Variants in ASAP1 observed in about 807,000 individuals in gnomAD.
The protein encoded by ASAP1 is ArfGAP with SH3 domain, ankyrin repeat and PH domain 1.
ASAP1 carries 43 observed loss-of-function variants against 145.2 expected under a neutral mutation model. The observed-to-expected ratio is 0.30, with a 90% CI of 0.23 to 0.38. The LOEUF (loss-of-function observed/expected upper bound fraction) is 0.38. ASAP1 is among the 10% of genes least tolerant of loss of function. ASAP1 has a pLI of 1.00. For synonymous variants in ASAP1, 546 were observed against 515.5 expected (o/e 1.06, Z -0.80); for missense variants, 1,018 against 1,355.3 (o/e 0.75, Z 3.91).
intron 3 of ASAP1, among the ~76,000 whole-genome samples, chr8:130,349,937 C>T (rs1825904354): frequency 6.6e-6 from 1 of 152,176 alleles, no homozygotes; most frequent in South Asian, 2.1e-4. Context: ...ATGGCCAAGA[C>T]CCAGATCTGG....
chr8:130,340,701 T>C, intron 3 of ASAP1: 1 of 295,528 alleles, frequency 3.4e-6, no homozygotes, highest in South Asian at 3.0e-5. Context: ...ATAACAGTTG[T>C]GCAATTTGGG....
chr8:130,067,258 C>T (rs1028240580), intron 27 of ASAP1, among the ~76,000 whole-genome samples: 2 of 152,130 alleles, frequency 1.3e-5, no homozygotes, highest in African/African-American at 4.8e-5. Flanking sequence ...TTGGGTGACC[C>T]ATACTAGAGT....
At chr8:130,390,951 T>C (rs564638223) in intron 2 of ASAP1, among the ~76,000 whole-genome samples, 2 of 138,640 alleles carry the variant, frequency 1.4e-5, no homozygotes, top group South Asian at 2.2e-4. Context: ...CCCCCCAAAA[T>C]TGAAAGCAGG....
At chr8:130,096,817 T>A (rs1168700161) in intron 24 of ASAP1, among the ~76,000 whole-genome samples, 1 of 152,000 alleles carries the variant, frequency 6.6e-6, no homozygotes, top group Non-Finnish European at 1.5e-5. Flanking sequence ...TATTTTTAAA[T>A]AATCCATGAT....
intron 2 of ASAP1, among the ~76,000 whole-genome samples, chr8:130,374,846 T>C (rs1827406498): frequency 6.6e-6 from 1 of 152,194 alleles, no homozygotes; most frequent in African/African-American, 2.4e-5. Flanking sequence ...TGCAATGATT[T>C]ATCCCTTAAG....
intron 3 of ASAP1, among the ~76,000 whole-genome samples, chr8:130,274,024 T>TC (rs1565159806): frequency 6.6e-6 from 1 of 152,216 alleles, no homozygotes; most frequent in African/African-American, 2.4e-5. Context: ...ACTAACTGGC[T>TC]TTGAGATCTT....
chr8:130,272,399 CTAAAT>C (rs1429980480), intron 3 of ASAP1, among the ~76,000 whole-genome samples: 3 of 152,122 alleles, frequency 2.0e-5, no homozygotes, highest in African/African-American at 7.2e-5. Flanking sequence ...TGGTAGGAAT[CTAAAT>C]TAGTACAGTC....
At chr8:130,239,343 T>C (rs1818392037) in intron 3 of ASAP1, among the ~76,000 whole-genome samples, 1 of 152,170 alleles carries the variant, frequency 6.6e-6, no homozygotes, top group South Asian at 2.1e-4. Flanking sequence ...TTATCTCACT[T>C]AATTCTCACA....
chr8:130,124,003 A>AAAT lies in ASAP1; in HGVS notation c.1607+7_1607+9dup. ...GGTTTAAAAAAGTTCAATATATCAG[A>AAAT]AATACTTACATATCACTTGAAGGGG... On this transcript the variant is annotated intron_variant, in intron 18 of 29. Coordinates refer to ENST00000518721, the MANE Select transcript of ASAP1 (RefSeq NM_018482.4). The AAAT allele has an allele frequency of 6.3e-7, 1 of 1,588,368 alleles. No individual in the cohort carries two copies. The highest frequency in any genetic ancestry group is 8.6e-7 in the Non-Finnish European group (1 of 1,161,696).
rs376970128 is a variant in ASAP1, at chr8:130,236,780, GAA to G, written c.259+140_259+141del. On this transcript the variant is annotated intron_variant, in intron 4 of 29. Coordinates refer to ENST00000518721, the MANE Select transcript of ASAP1 (RefSeq NM_018482.4). ...GTTTGGGCTGACAGTCGAGATAAGAGAAAAAAAGAGAAATTTCTTTTACCTAC... is the reference window on the plus strand; with the variant it reads ...GTTTGGGCTGACAGTCGAGATAAGAGAAAAAGAGAAATTTCTTTTACCTAC... 4.5e-4 allele frequency: 259 copies of G among 580,578 alleles called. 2 individuals carry two copies. The East Asian group carries it at 7.6e-3, about 17-fold the overall frequency. 36.0% of individuals were successfully genotyped at this position (580,578 alleles called of 1,614,324 possible). A position where few individuals can be genotyped will look rare whatever the true frequency, so the allele number is the denominator to read the frequency against.
intron 7 of ASAP1, among the ~76,000 whole-genome samples, chr8:130,184,810 C>T (rs1001590805): frequency 9.9e-5 from 15 of 152,178 alleles, no homozygotes; most frequent in Admixed American, 5.2e-4. Flanking sequence ...CTTCCCTATG[C>T]TAAACACTGT....
chr8:130,112,240 G>C lies in ASAP1; in HGVS notation c.2255C>G (p.Ala752Gly), dbSNP rs377058881. The C allele has an allele frequency of 1.2e-6, 2 of 1,614,222 alleles. No homozygotes were observed. Among genetic ancestry groups the C allele is most frequent in the Non-Finnish European group, 1.7e-6 (2 of 1,180,026 alleles). The change falls in exon 24 of 30, where the codon GCA (alanine) becomes GGA (glycine). Residue 752 changes from alanine (A) to glycine (G), a missense_variant. Physicochemically the swap from Ala to Gly is moderately conservative, Grantham distance 60. Transcript: ENST00000518721. ...SSSISPQDKLALPGFSTPRDK... is the reference protein window; with the variant it reads ...SSSISPQDKLGLPGFSTPRDK... ...CCTTGGAGTGCTGAATCCTGGCAGT[G>C]CCAGCTTGTCCTGGGGGGAGATGCT...
intron 3 of ASAP1, among the ~76,000 whole-genome samples, chr8:130,321,118 T>C (rs1008905818): frequency 7.2e-5 from 11 of 152,184 alleles, no homozygotes; most frequent in Admixed American, 7.2e-4. Context: ...TATTAAGCTA[T>C]CTTTCCTGGA....
At chr8:130,309,495 G>C (rs1319849870) in intron 3 of ASAP1, among the ~76,000 whole-genome samples, 1 of 152,174 alleles carries the variant, frequency 6.6e-6, no homozygotes, top group Non-Finnish European at 1.5e-5. Context: ...ATCATAAGAT[G>C]AGGCACGGTA....
intron 3 of ASAP1, among the ~76,000 whole-genome samples, chr8:130,279,631 A>T (rs1411939359): frequency 6.6e-6 from 1 of 152,220 alleles, no homozygotes; most frequent in Non-Finnish European, 1.5e-5. Context: ...TAGTTCCTTC[A>T]TCTATAAAAC....
At chr8:130,174,640 G>A (rs1813827867) in intron 9 of ASAP1, among the ~76,000 whole-genome samples, 1 of 152,162 alleles carries the variant, frequency 6.6e-6, no homozygotes, top group South Asian at 2.1e-4. Context: ...TGGAGATTGG[G>A]CCAATAACCA....
rs575263491 is a variant in ASAP1, at chr8:130,388,956, A to C, written c.59+12929T>G. Among the ~76,000 whole-genome samples the C allele has an allele frequency of 2.0e-5, 3 of 152,292 alleles. No individual in the cohort carries two copies. In the South Asian group the frequency reaches 6.2e-4, roughly 32 times the overall value. On this transcript the variant is annotated intron_variant, in intron 2 of 29. Transcript: ENST00000518721. The stretch of plus-strand genomic sequence containing the variant: ...CTGACCAGCAATGTGGCCTTAAATA[A>C]TTTTCCAAACCTCTGTGAGCTTTAG...
intron 11 of ASAP1, among the ~76,000 whole-genome samples, chr8:130,162,756 T>C (rs2097671990): frequency 6.6e-6 from 1 of 150,460 alleles, no homozygotes; most frequent in Non-Finnish European, 1.5e-5. Flanking sequence ...AGGCGGGGCT[T>C]GCAGTGAACC....
rs372489595 is a variant in ASAP1, at chr8:130,206,441, A to G, written c.405+8115T>C. ...CAGATATTCTTATTTGAGGGGAAAG[A>G]AAAGAAGAAAAATAAAAAAAAAAAC... On this transcript the variant is annotated intron_variant, in intron 5 of 29. Coordinates refer to ENST00000518721, the MANE Select transcript of ASAP1 (RefSeq NM_018482.4). 1.6e-4 allele frequency among the ~76,000 whole-genome samples: 25 copies of G among 151,984 alleles called. No homozygotes were observed. The East Asian group carries it at 4.6e-3, about 28-fold the overall frequency.
Sources: gnomAD v4.1 joint callset for allele counts (sites outside exome capture counted in the v4.1 genomes callset) on GRCh38, gnomAD v4.1.1 for gene constraint, MANE v1.5 for transcripts, NCBI Gene and HGNC (gene_info 2026-07-23, HGNC 2026-07-21) for gene names.